The following SORCS1 variants were observed in gnomAD, a reference collection of about 807,000 sequenced individuals.
The protein encoded by SORCS1 is VPS10 domain-containing receptor SorCS1.
SORCS1 carries 60 observed loss-of-function variants against 146.1 expected under a neutral mutation model. The ratio of observed to expected loss-of-function variants is 0.41; its 90% confidence interval spans 0.33 to 0.51. SORCS1 has a LOEUF of 0.51. SORCS1 is among the 20% of genes least tolerant of loss of function. SORCS1 has a pLI of 0.21. For synonymous variants in SORCS1, 637 were observed against 584.0 expected (o/e 1.09, Z -1.31); for missense variants, 1,352 against 1,487.6 (o/e 0.91, Z 1.50).
At chr10:106,808,726 C>T (rs1183874150) in intron 3 of SORCS1, among the ~76,000 whole-genome samples, 1 of 152,140 alleles carries the variant, frequency 6.6e-6, no homozygotes, top group East Asian at 1.9e-4. Context: ...ATGTTCTCCA[C>T]CTCCTGACCT....
chr10:106,868,746 A>C (rs565759788), intron 2 of SORCS1, among the ~76,000 whole-genome samples: 1 of 152,198 alleles, frequency 6.6e-6, no homozygotes, highest in Non-Finnish European at 1.5e-5. Context: ...AAAAACTTAG[A>C]AAGATCTCAA....
In SORCS1 at chr10:107,103,000, T is replaced by C. The variant is rs1965041627; in HGVS notation, c.558+60969A>G. Reference sequence around the variant, plus strand: ...ACCAAAATAATGCAGATAACATTTTTTGCCTATCTAATTCGTTCTACCCCC... The same window carrying C: ...ACCAAAATAATGCAGATAACATTTTCTGCCTATCTAATTCGTTCTACCCCC... On this transcript the variant is annotated intron_variant, in intron 1 of 25. Transcript: ENST00000263054. Among the ~76,000 whole-genome samples the C allele has an allele frequency of 4.6e-5, 7 of 152,200 alleles. No homozygotes were observed. The South Asian group carries it at 1.5e-3, about 32-fold the overall frequency.
At chr10:107,113,855 A>G (rs943360811) in intron 1 of SORCS1, among the ~76,000 whole-genome samples, 4 of 152,002 alleles carry the variant, frequency 2.6e-5, no homozygotes, top group Non-Finnish European at 5.9e-5. Flanking sequence ...AAGATCAACA[A>G]AACTAAGAGT....
chr10:106,821,535 T>TA (rs1948023394), intron 3 of SORCS1, among the ~76,000 whole-genome samples: 1 of 152,214 alleles, frequency 6.6e-6, no homozygotes, highest in African/African-American at 2.4e-5. Context: ...ATGTAATGCA[T>TA]TAGATGCTTC....
chr10:107,141,119 C>T (rs1202622255), intron 1 of SORCS1, among the ~76,000 whole-genome samples: 3 of 152,076 alleles, frequency 2.0e-5, no homozygotes, highest in Non-Finnish European at 4.4e-5. Flanking sequence ...TCTTCGTAAG[C>T]GACCCATGTT....
chr10:106,943,391 A>G (rs1176952419), intron 2 of SORCS1, among the ~76,000 whole-genome samples: 1 of 152,062 alleles, frequency 6.6e-6, no homozygotes, highest in African/African-American at 2.4e-5. Context: ...GCTTGAGCTC[A>G]TGCCTTCCAA....
At chr10:107,088,065 C>G (rs1963893523) in intron 1 of SORCS1, among the ~76,000 whole-genome samples, 1 of 151,904 alleles carries the variant, frequency 6.6e-6, no homozygotes, top group Admixed American at 6.6e-5. Flanking sequence ...ACTACAGGCA[C>G]CCACCACCAC....
intron 1 of SORCS1, among the ~76,000 whole-genome samples, chr10:107,087,760 G>A (rs1963869195): frequency 6.6e-6 from 1 of 152,170 alleles, no homozygotes; most frequent in Non-Finnish European, 1.5e-5. Context: ...TGGCAAAGAT[G>A]GAATTAATAG....
intron 1 of SORCS1, among the ~76,000 whole-genome samples, chr10:107,019,672 A>C (rs1189331943): frequency 6.6e-6 from 1 of 152,218 alleles, no homozygotes; most frequent in Non-Finnish European, 1.5e-5. Context: ...CCATTCAATC[A>C]AAAGGTATAA....
At chr10:106,581,897 C>T (rs944503668) in intron 24 of SORCS1, among the ~76,000 whole-genome samples, 5 of 152,060 alleles carry the variant, frequency 3.3e-5, no homozygotes, top group African/African-American at 1.2e-4. Flanking sequence ...AATGGAGGCT[C>T]GGAAGGGGCC....
intron 5 of SORCS1, among the ~76,000 whole-genome samples, chr10:106,757,765 G>A (rs996818456): frequency 6.6e-6 from 1 of 152,206 alleles, no homozygotes; most frequent in African/African-American, 2.4e-5. Context: ...AGCCAAGAAC[G>A]TAAGGCTAAG....
rs77509273 is a variant in SORCS1, at chr10:106,667,908, C to T, written c.2190-106G>A. ...TTCCACACTAATCAATTAGTCATAA[C>T]AAACAAAAATAAAAACAAAAAAAAA... On this transcript the variant is annotated intron_variant, in intron 16 of 25. Transcript: ENST00000263054. 11,051 of 549,748 alleles carry T rather than the reference C, an allele frequency of 0.02. 913 individuals are homozygous for T. The East Asian group carries it at 0.23, about 11-fold the overall frequency. 34.1% of individuals were successfully genotyped at this position (549,748 alleles called of 1,614,324 possible).
intron 5 of SORCS1, among the ~76,000 whole-genome samples, chr10:106,734,584 A>G (rs540426791): frequency 6.6e-6 from 1 of 152,362 alleles, no homozygotes; most frequent in African/African-American, 2.4e-5. Context: ...TTGAGAAAAG[A>G]GAAGTACACA....
At chr10:107,119,217 A>G (rs1025877041) in intron 1 of SORCS1, among the ~76,000 whole-genome samples, 2 of 152,214 alleles carry the variant, frequency 1.3e-5, no homozygotes, top group Non-Finnish European at 2.9e-5. Context: ...ACTGCAAAAG[A>G]ATTGGTAAGG....
At chr10:106,933,186 C>A (rs952571919) in intron 2 of SORCS1, among the ~76,000 whole-genome samples, 11 of 152,204 alleles carry the variant, frequency 7.2e-5, no homozygotes, top group Admixed American at 2.0e-4. Flanking sequence ...ATCAGCAACA[C>A]TAATGAGCAG....
chr10:106,677,106 C>A (rs750789247), intron 13 of SORCS1, among the ~76,000 whole-genome samples: 4 of 152,120 alleles, frequency 2.6e-5, no homozygotes, highest in African/African-American at 4.8e-5. Flanking sequence ...GCTGCAGCAC[C>A]CACTTAAAGC....
chr10:106,818,066 T>A (rs1331590131), intron 3 of SORCS1, among the ~76,000 whole-genome samples: 1 of 152,242 alleles, frequency 6.6e-6, no homozygotes, highest in Non-Finnish European at 1.5e-5. Context: ...GTTTCTTTTA[T>A]ATTCACCTTT....
At chr10:106,948,986 G>C (rs563114211) in intron 2 of SORCS1, among the ~76,000 whole-genome samples, 10 of 152,154 alleles carry the variant, frequency 6.6e-5, no homozygotes, top group African/African-American at 2.4e-4. Context: ...TTTTAATTGT[G>C]TAAGTTCAGG....
At position 106,825,420 on chromosome 10, in the gene SORCS1, C is replaced by T. The variant is rs537912151; in HGVS notation, c.726+4154G>A. 9.2e-5 allele frequency among the ~76,000 whole-genome samples: 14 copies of T among 151,854 alleles called. No homozygotes were observed. The East Asian group carries it at 2.3e-3, about 25-fold the overall frequency. ...CTGAGTAGCTGGGACTACAGGCACC[C>T]GCCACCACGCCTGGCTAATTATTTT... On this transcript the variant is annotated intron_variant, in intron 3 of 25. Coordinates refer to ENST00000263054, the MANE Select transcript of SORCS1 (RefSeq NM_052918.5).
Sources: gnomAD v4.1 joint callset for allele counts (sites outside exome capture counted in the v4.1 genomes callset) on GRCh38, gnomAD v4.1.1 for gene constraint, MANE v1.5 for transcripts, NCBI Gene and HGNC (gene_info 2026-07-23, HGNC 2026-07-21) for gene names.